Variants in COLQ observed in about 807,000 individuals in gnomAD.
The protein encoded by COLQ is acetylcholinesterase collagenic tail peptide.
Under a neutral mutation model 69.0 loss-of-function variants are expected in COLQ, and 48 were observed. The observed-to-expected ratio is 0.70, with a 90% CI of 0.55 to 0.88. COLQ has a LOEUF of 0.88. Ranked by LOEUF, COLQ falls within the 40% of genes least tolerant of loss-of-function variation. The pLI is 0.00. For missense variants in COLQ, 618 were observed against 594.6 expected (o/e 1.04, Z -0.41); for synonymous variants, 217 against 211.2 (o/e 1.03, Z -0.24).
At chr3:15,521,101 G>T (rs929646913) in intron 1 of COLQ, among the ~76,000 whole-genome samples, 1 of 152,154 alleles carries the variant, frequency 6.6e-6, no homozygotes, top group Middle Eastern at 3.4e-3. Context: ...AAAGAGGTTT[G>T]TTTACTCCAC....
At chr3:15,511,852 G>C (rs2062990183) in intron 1 of COLQ, among the ~76,000 whole-genome samples, 1 of 152,072 alleles carries the variant, frequency 6.6e-6, no homozygotes, top group African/African-American at 2.4e-5. Flanking sequence ...GGACACAAAG[G>C]GCAGTCCAGT....
chr3:15,497,907 T>C (rs1364949293), intron 1 of COLQ, among the ~76,000 whole-genome samples: 17 of 152,160 alleles, frequency 1.1e-4, no homozygotes, highest in Non-Finnish European at 2.1e-4. Flanking sequence ...CAACAAACCT[T>C]GAAAGACAAA....
At chr3:15,495,872 G>T (rs1340817341) in intron 1 of COLQ, among the ~76,000 whole-genome samples, 1 of 152,014 alleles carries the variant, frequency 6.6e-6, no homozygotes, top group Admixed American at 6.6e-5. Context: ...CACCAATCCC[G>T]GAACGTTTTT....
intron 15 of COLQ, among the ~76,000 whole-genome samples, chr3:15,454,153 G>A (rs560658151): frequency 2.2e-4 from 33 of 152,256 alleles, no homozygotes; most frequent in Admixed American, 1.5e-3. Flanking sequence ...CTCCAGCCCC[G>A]CCTCACAACT....
At chr3:15,517,847 A>G (rs1363647881) in intron 1 of COLQ, among the ~76,000 whole-genome samples, 7 of 152,222 alleles carry the variant, frequency 4.6e-5, no homozygotes, top group Non-Finnish European at 1.5e-5. Context: ...TGGTCCATTC[A>G]TGTTCATCAT....
chr3:15,470,686 G>T, intron 10 of COLQ, 70 bp from the exon 11 acceptor site: 1 of 1,399,908 alleles, frequency 7.1e-7, no homozygotes, highest in Non-Finnish European at 1.0e-6. Flanking sequence ...CACAGGTCTA[G>T]CCAGTCATTG....
Position 15,450,838 on chromosome 3 carries a change from G to A in COLQ, c.*806C>T, listed in dbSNP as rs534825077. 3.8e-4 allele frequency: 58 copies of A among 152,612 alleles called. No individual in the cohort carries two copies. The highest frequency in any genetic ancestry group is 1.1e-3 in the African/African-American group (45 of 41,580). 9.5% of individuals were successfully genotyped at this position (152,612 alleles called of 1,614,324 possible). On this transcript the variant is annotated 3_prime_UTR_variant, in exon 17 of 17. Transcript: ENST00000383788. Reference sequence around the variant, plus strand: ...TCACACAGTCCTCATGAGTCTCCTGGACAGGAAATGGACATGAGGGACATT... The same window carrying A: ...TCACACAGTCCTCATGAGTCTCCTGAACAGGAAATGGACATGAGGGACATT...
At position 15,488,317 on chromosome 3, in the gene COLQ, A is replaced by G; in HGVS notation, c.220-10T>C. 6.2e-7 allele frequency: 1 copy of G among 1,611,488 alleles called. No individual in the cohort carries two copies. Among genetic ancestry groups the G allele is most frequent in the South Asian group, 1.1e-5 (1 of 91,028 alleles). ...TGTCTGGGGAGAGAAGCTTCAGTAC[A>G]AAGCAACACAGAGTTAGAGGTCAGG... On this transcript the variant is annotated splice_polypyrimidine_tract_variant and intron_variant, in intron 2 of 16. Transcript: ENST00000383788.
chr3:15,468,321 G>GTTTTTTTTT lies in COLQ; in HGVS notation c.718-1893_718-1885dup, dbSNP rs540716062. Reference sequence around the variant, plus strand: ...AGGAAATTGTTTCTCAGTTACTGAAGTTTTTTTTTTTTTTTTTTTTTTTTT... The same window carrying GTTTTTTTTT: ...AGGAAATTGTTTCTCAGTTACTGAAGTTTTTTTTTTTTTTTTTTTTTTTTTTTTTTTTTT... On this transcript the variant is annotated intron_variant, in intron 11 of 16. Coordinates refer to ENST00000383788, the MANE Select transcript of COLQ (RefSeq NM_005677.4). Among the ~76,000 whole-genome samples the GTTTTTTTTT allele has an allele frequency of 2.8e-5, 2 of 71,258 alleles. 1 individual carries two copies. The highest frequency in any genetic ancestry group is 5.0e-5 in the Non-Finnish European group (2 of 39,782). 46.7% of individuals were successfully genotyped at this position (71,258 alleles called of 152,430 possible).
chr3:15,451,393 G>T lies in COLQ; in HGVS notation c.*251C>A. ...TTGTAGCCGGTTGTTTGGCCAAATG[G>T]TAGCGATGGGGAACAGGTCTCAGGT... On this transcript the variant is annotated 3_prime_UTR_variant, in exon 17 of 17. Coordinates refer to ENST00000383788, the MANE Select transcript of COLQ (RefSeq NM_005677.4). 1.6e-6 allele frequency: 1 copy of T among 645,016 alleles called. No individual in the cohort carries two copies. Among genetic ancestry groups the T allele is most frequent in the Non-Finnish European group, 2.8e-6 (1 of 352,508 alleles). The allele number at this position is 645,016 out of a possible 1,614,324, so 40.0% of individuals were successfully genotyped here. A position where few individuals can be genotyped will look rare whatever the true frequency, so the allele number is the denominator to read the frequency against.
chr3:15,453,681 C>G, intron 16 of COLQ, 148 bp downstream of exon 16: 3 of 678,078 alleles, frequency 4.4e-6, no homozygotes, highest in Non-Finnish European at 8.0e-6. Context: ...GCAGGGAGCA[C>G]GTGTTGTGTC....
At chr3:15,467,753 G>C (rs1007813508) in intron 11 of COLQ, 10 of 415,922 alleles carry the variant, frequency 2.4e-5, no homozygotes, top group Non-Finnish European at 4.3e-5. Context: ...CTTGCGCCTT[G>C]GCAGGCTTGC....
Position 15,470,480 on chromosome 3 carries a change from A to G in COLQ, c.717+56T>C, listed in dbSNP as rs371003561. ...ACGCCACCTGCCTGCCACTCCACACACTGCCAGGTCAGGAAGTTCTGACCT... is the reference window on the plus strand; with the variant it reads ...ACGCCACCTGCCTGCCACTCCACACGCTGCCAGGTCAGGAAGTTCTGACCT... On this transcript the variant is annotated intron_variant, in intron 11 of 16. Coordinates refer to ENST00000383788, the MANE Select transcript of COLQ (RefSeq NM_005677.4). 18 of 1,521,414 alleles carry G rather than the reference A, an allele frequency of 1.2e-5. No homozygotes were observed. The African/African-American group carries it at 1.9e-4, about 16-fold the overall frequency. The allele number at this position is 1,521,414 out of a possible 1,614,324, so 94.2% of individuals were successfully genotyped here.
intron 11 of COLQ, among the ~76,000 whole-genome samples, chr3:15,469,787 G>A (rs1330967401): frequency 1.3e-5 from 2 of 152,226 alleles, no homozygotes; most frequent in Non-Finnish European, 2.9e-5. Context: ...CATTGCACCT[G>A]ATGTGGGGGA....
Position 15,474,038 on chromosome 3 carries a change from G to A in COLQ, c.601-3C>T. On this transcript the variant is annotated splice_region_variant and splice_polypyrimidine_tract_variant and intron_variant, in intron 9 of 16. Transcript: ENST00000383788. ...ATTCCAGGAAATCCTGGGAAACCCT[G>A]TGAAAAGAGCAACAAATAATTGTGA... is the stretch of plus-strand genomic sequence containing the variant. The A allele has an allele frequency of 6.2e-7, 1 of 1,614,112 alleles. No homozygotes were observed. Among genetic ancestry groups the A allele is most frequent in the East Asian group, 2.2e-5 (1 of 44,872 alleles).
At chr3:15,501,657 G>C (rs2062833295) in intron 1 of COLQ, among the ~76,000 whole-genome samples, 1 of 152,198 alleles carries the variant, frequency 6.6e-6, no homozygotes, top group African/African-American at 2.4e-5. Context: ...CTTTGAACGT[G>C]GGCTTCTGTG....
In COLQ at chr3:15,477,211, G is replaced by T. The variant is rs1264268047; in HGVS notation, c.394-14C>A. 7 of 1,602,024 alleles carry T rather than the reference G, an allele frequency of 4.4e-6. No homozygotes were observed. The highest frequency in any genetic ancestry group is 5.1e-6 in the Non-Finnish European group (6 of 1,174,578). On this transcript the variant is annotated splice_polypyrimidine_tract_variant and intron_variant, in intron 5 of 16. Coordinates refer to ENST00000383788, the MANE Select transcript of COLQ (RefSeq NM_005677.4). ...GCCAGGTCTACCCTTCAAAGACCAA[G>T]AACAAAAGTCAGGGCAACTGGGTTT...
At chr3:15,507,444 C>T (rs751848089) in intron 1 of COLQ, among the ~76,000 whole-genome samples, 2 of 152,140 alleles carry the variant, frequency 1.3e-5, no homozygotes, top group Non-Finnish European at 2.9e-5. Flanking sequence ...TGATGTTTGA[C>T]CTCTTGAATT....
chr3:15,492,010 A>G (rs1270498644), intron 1 of COLQ, among the ~76,000 whole-genome samples: 2 of 151,654 alleles, frequency 1.3e-5, no homozygotes, highest in Admixed American at 1.3e-4. Flanking sequence ...GTGAGCTGAG[A>G]TTGTGCCACT....
Sources: allele counts gnomAD v4.1 joint callset (sites outside exome capture counted in the v4.1 genomes callset), GRCh38; gene constraint gnomAD v4.1.1; transcripts MANE v1.5; gene names NCBI Gene and HGNC (gene_info 2026-07-23, HGNC 2026-07-21).